Variants in VRK2 observed in about 807,000 individuals in gnomAD.
VRK2 encodes the protein serine/threonine-protein kinase VRK2.
VRK2 carries 60 observed loss-of-function variants against 57.6 expected under a neutral mutation model. That is an observed-to-expected ratio of 1.04 (90% CI 0.85 to 1.29). VRK2 has a LOEUF of 1.29. Ranked by LOEUF, VRK2 falls within the 50% of genes most tolerant of loss-of-function variation. VRK2 has a pLI of 0.00. For missense variants in VRK2, 705 were observed against 588.1 expected, an observed-to-expected ratio of 1.20 and a Z score of -2.06; for synonymous variants, 231 against 199.2, an observed-to-expected ratio of 1.16 and a Z score of -1.35.
intron 2 of VRK2, among the ~76,000 whole-genome samples, chr2:58,030,663 C>G (rs975703876): frequency 6.6e-6 from 1 of 151,972 alleles, no homozygotes; most frequent in African/African-American, 2.4e-5. Flanking sequence ...GCAGATTGTA[C>G]TTTTCATAAT....
At chr2:58,029,600 A>G (rs951332966) in intron 2 of VRK2, among the ~76,000 whole-genome samples, 14 of 152,226 alleles carry the variant, frequency 9.2e-5, no homozygotes, top group Non-Finnish European at 1.8e-4. Flanking sequence ...CTTAGCCACA[A>G]TCATCTCTTA....
chr2:57,926,998 T>TGTGTG (rs540927767), intron 1 of VRK2, among the ~76,000 whole-genome samples: 7,089 of 142,780 alleles, frequency 0.05, 239 homozygotes, highest in Non-Finnish European at 0.056. Flanking sequence ...TTTTAATTTC[T>TGTGTG]TGTGTGTGTG....
At chr2:58,023,711 GCAGT>G (rs888134462) in intron 1 of VRK2, among the ~76,000 whole-genome samples, 3 of 152,076 alleles carry the variant, frequency 2.0e-5, no homozygotes, top group Non-Finnish European at 2.9e-5. Context: ...TCTTTAGATA[GCAGT>G]CAAAGATACA....
chr2:57,940,583 A>G (rs1671061075), intron 1 of VRK2, among the ~76,000 whole-genome samples: 1 of 152,108 alleles, frequency 6.6e-6, no homozygotes, highest in South Asian at 2.1e-4. Flanking sequence ...TGTCCACACT[A>G]TAACATGTTC....
chr2:58,118,768 T>G (rs564872260), intron 7 of VRK2, among the ~76,000 whole-genome samples: 97 of 152,242 alleles, frequency 6.4e-4, no homozygotes, highest in African/African-American at 2.2e-3. Flanking sequence ...TTATTTCACC[T>G]GGGTGCAGGC....
intron 9 of VRK2, 123 bp from the exon 10 acceptor site, chr2:58,135,015 CAAA>C (rs879151541): frequency 2.6e-6 from 2 of 780,286 alleles, no homozygotes; most frequent in African/African-American, 1.8e-5. Context: ...AGTTGGGTGA[CAAA>C]AAAAAAAGCA....
Position 58,159,340 on chromosome 2 carries a change from T to A in VRK2, c.1183-9T>A. On this transcript the variant is annotated splice_polypyrimidine_tract_variant and intron_variant, in intron 12 of 12. Coordinates refer to ENST00000340157, the MANE Select transcript of VRK2 (RefSeq NM_006296.7). ...AACAAACTAAACTATATATGTATTT[T>A]TTCCATAGGAAAGCACAAGGAGAAG... The A allele has an allele frequency of 6.3e-7, 1 of 1,583,862 alleles. No homozygotes were observed. Among genetic ancestry groups the A allele is most frequent in the Non-Finnish European group, 8.6e-7 (1 of 1,168,540 alleles).
At chr2:57,957,569 T>C (rs966192458) in intron 1 of VRK2, among the ~76,000 whole-genome samples, 6 of 148,494 alleles carry the variant, frequency 4.0e-5, no homozygotes, top group Non-Finnish European at 7.4e-5. Flanking sequence ...TATGTAGATA[T>C]ATATACTTAT....
intron 4 of VRK2, among the ~76,000 whole-genome samples, 170 bp from the exon 5 acceptor site, chr2:58,086,169 T>C (rs1357407611): frequency 6.6e-6 from 1 of 151,872 alleles, no homozygotes; most frequent in East Asian, 1.9e-4. Context: ...TTGTTAATTA[T>C]AGTGGTAACA....
chr2:57,959,000 A>G (rs547498768), intron 1 of VRK2, among the ~76,000 whole-genome samples: 2 of 152,350 alleles, frequency 1.3e-5, no homozygotes, highest in African/African-American at 4.8e-5. Flanking sequence ...GGATATGTGT[A>G]GCATATTACT....
chr2:58,041,983 C>A (rs1003737070), upstream of VRK2, among the ~76,000 whole-genome samples: 1 of 151,970 alleles, frequency 6.6e-6, no homozygotes, highest in Non-Finnish European at 1.5e-5. Context: ...TATCGATTGA[C>A]GTCTTCTGTC....
chr2:58,091,570 T>C (rs1459887363), intron 7 of VRK2, among the ~76,000 whole-genome samples: 3 of 151,738 alleles, frequency 2.0e-5, no homozygotes, highest in African/African-American at 7.3e-5. Flanking sequence ...TTAGAAAAAA[T>C]GTAATTGAAT....
intron 9 of VRK2, among the ~76,000 whole-genome samples, chr2:58,132,661 C>T (rs1007984720): frequency 2.0e-5 from 3 of 152,124 alleles, no homozygotes; most frequent in African/African-American, 7.2e-5. Context: ...GCAAAAGCAG[C>T]AGCTAAGCTA....
At chr2:58,085,000 G>T (rs748755984) in intron 4 of VRK2, 50 bp downstream of exon 4, 2 of 1,496,848 alleles carry the variant, frequency 1.3e-6, no homozygotes, top group Admixed American at 2.4e-5. Flanking sequence ...GCTTGCTAAA[G>T]TGAGTGTTGA....
At chr2:58,123,321 T>C (rs929075290) in intron 8 of VRK2, 88 bp downstream of exon 8, 10 of 1,490,354 alleles carry the variant, frequency 6.7e-6, no homozygotes, top group Admixed American at 2.6e-5. Flanking sequence ...GACCTTTGCA[T>C]AGTCAGTTTG....
chr2:58,017,898 T>C (rs1314347691), intron 1 of VRK2: 1 of 152,244 alleles, frequency 6.6e-6, no homozygotes, highest in Non-Finnish European at 1.5e-5. Context: ...ACTTGATAAT[T>C]ACGTGAAAAT....
chr2:57,970,435 T>C (rs924131981), intron 1 of VRK2, among the ~76,000 whole-genome samples: 2 of 151,400 alleles, frequency 1.3e-5, no homozygotes, highest in African/African-American at 4.8e-5. Flanking sequence ...GAATTCTTTG[T>C]GGATTTTTTT....
At chr2:58,140,331 A>C (rs1476979966) in intron 11 of VRK2, among the ~76,000 whole-genome samples, 2 of 151,968 alleles carry the variant, frequency 1.3e-5, no homozygotes, top group African/African-American at 4.8e-5. Context: ...TTTAAAAGTT[A>C]CACCTCTTCT....
In VRK2 at chr2:58,011,625, G is replaced by A. The variant is rs375486155; in HGVS notation, c.-438-14040G>A. ...AGTGCTTAAAATTTTAAGATGGTAA[G>A]AGATATATTCATGGTATTTACATTT... On this transcript the variant is annotated intron_variant, in intron 1 of 15. Coordinates refer to the VRK2 transcript ENST00000417641. 3.3e-4 allele frequency among the ~76,000 whole-genome samples: 50 copies of A among 152,206 alleles called. No individual in the cohort carries two copies. The South Asian group carries it at 9.8e-3, about 30-fold the overall frequency.
Sources: gnomAD v4.1 joint callset for allele counts (sites outside exome capture counted in the v4.1 genomes callset) on GRCh38, gnomAD v4.1.1 for gene constraint, MANE v1.5 for transcripts, NCBI Gene and HGNC (gene_info 2026-07-23, HGNC 2026-07-21) for gene names.